KLF12: variants seen among roughly 807,000 people sequenced by gnomAD.
KLF12 encodes the protein Krueppel-like factor 12.
KLF12 carries 9 observed loss-of-function variants against 37.8 expected under a neutral mutation model. The ratio of observed to expected loss-of-function variants is 0.24; its 90% CI spans 0.14 to 0.42. The LOEUF is 0.42. Ranked by LOEUF, KLF12 falls within the 10% of genes least tolerant of loss-of-function variation. The probability of loss-of-function intolerance (pLI) is 1.00; values close to 1 mark genes in which losing one functional copy is unlikely to be tolerated. For synonymous variants in KLF12, 208 were observed against 202.1 expected (o/e 1.03, Z -0.25); for missense variants, 411 against 516.0 (o/e 0.80, Z 1.97).
At chr13:73,895,988 T>G (rs768340238) in intron 3 of KLF12, among the ~76,000 whole-genome samples, 39 of 152,084 alleles carry the variant, frequency 2.6e-4, no homozygotes, top group Non-Finnish European at 5.1e-4. Flanking sequence ...GCCTGACTAA[T>G]TTTTGTATTT....
At chr13:73,925,915 A>G (rs1038531904) in intron 3 of KLF12, among the ~76,000 whole-genome samples, 4 of 152,220 alleles carry the variant, frequency 2.6e-5, no homozygotes, top group Non-Finnish European at 1.5e-5. Context: ...AACTAGAACT[A>G]GAAGTAAAGC....
chr13:73,705,210 T>C (rs1371864430), intron 7 of KLF12, among the ~76,000 whole-genome samples: 1 of 152,198 alleles, frequency 6.6e-6, no homozygotes, highest in East Asian at 1.9e-4. Context: ...TCTCTTACAA[T>C]TGTATTATTC....
the KLF12 span, among the ~76,000 whole-genome samples, chr13:74,216,056 G>T: frequency 6.6e-6 from 1 of 152,082 alleles, no homozygotes; most frequent in African/African-American, 2.4e-5. Flanking sequence ...GTAGTAAGGG[G>T]CACATTCAGG....
intron 7 of KLF12, among the ~76,000 whole-genome samples, chr13:73,713,394 A>G (rs1321232683): frequency 6.6e-6 from 1 of 152,242 alleles, no homozygotes; most frequent in African/African-American, 2.4e-5. Context: ...ATAGTCAGCC[A>G]GAAGTGCCAA....
rs1885474843 is a variant in KLF12 at position 73,854,025 on chromosome 13, T to C, written c.124-7652A>G. On this transcript the variant is annotated intron_variant, in intron 3 of 7. Transcript: ENST00000377669. ...TGGATTAAGTCCTATTATCTTGCAA[T>C]TGTTTTTAAACAACATTTCACAAAG... is the stretch of plus-strand genomic sequence containing the variant. Among the ~76,000 whole-genome samples the C allele has an allele frequency of 2.0e-5, 3 of 152,276 alleles. No homozygotes were observed. The South Asian group carries it at 6.2e-4, about 32-fold the overall frequency.
At chr13:74,280,860 A>C in the KLF12 span, among the ~76,000 whole-genome samples, 3 of 146,088 alleles carry the variant, frequency 2.1e-5, no homozygotes, top group African/African-American at 8.0e-5. Context: ...CTGTGCCATA[A>C]AAACTGGCAC....
chr13:73,749,806 T>C (rs1878622822), intron 6 of KLF12, among the ~76,000 whole-genome samples: 2 of 152,230 alleles, frequency 1.3e-5, no homozygotes, highest in Admixed American at 1.3e-4. Context: ...GTTTTTTCTT[T>C]CTAAAGCATG....
chr13:74,305,385 A>G, the KLF12 span, among the ~76,000 whole-genome samples: 1 of 152,104 alleles, frequency 6.6e-6, no homozygotes, highest in African/African-American at 2.4e-5. Flanking sequence ...ATTTTTCTTC[A>G]TTTAACTTCA....
the KLF12 span, among the ~76,000 whole-genome samples, chr13:74,208,901 CTG>C: frequency 3.3e-5 from 5 of 152,084 alleles, no homozygotes; most frequent in African/African-American, 1.2e-4. Flanking sequence ...TGTGGACAAA[CTG>C]TTGTTTGGTT....
intron 3 of KLF12, among the ~76,000 whole-genome samples, chr13:73,876,454 A>G (rs1252001422): frequency 2.6e-5 from 4 of 152,200 alleles, no homozygotes; most frequent in African/African-American, 7.2e-5. Flanking sequence ...CTTAAAGACA[A>G]TTGTGCCACA....
intron 4 of KLF12, among the ~76,000 whole-genome samples, chr13:73,816,539 A>G (rs148671370): frequency 1.4e-3 from 209 of 152,316 alleles, no homozygotes; most frequent in Non-Finnish European, 2.3e-3. Flanking sequence ...AAAATTTCAG[A>G]ACCCAACACC....
the KLF12 span, among the ~76,000 whole-genome samples, chr13:74,293,888 G>A: frequency 2.6e-5 from 4 of 152,192 alleles, no homozygotes; most frequent in Admixed American, 1.3e-4. Flanking sequence ...GCTCTTAAAA[G>A]TGTATAGAGT....
chr13:74,148,342 T>G, the KLF12 span, among the ~76,000 whole-genome samples: 1 of 151,162 alleles, frequency 6.6e-6, no homozygotes, highest in African/African-American at 2.4e-5. Flanking sequence ...CCTCACAGTT[T>G]CCTCCAGCTC....
In KLF12 at chr13:73,944,128, T is replaced by C. The variant is rs957604637; in HGVS notation, c.34-58A>G. The C allele has an allele frequency of 3.0e-6, 3 of 996,454 alleles. No homozygotes were observed. In the African/African-American group the frequency reaches 4.8e-5, roughly 16 times the overall value. The allele number at this position is 996,454 out of a possible 1,614,324, so 61.7% of individuals were successfully genotyped here. A position where few individuals can be genotyped will look rare whatever the true frequency, so the allele number is the denominator to read the frequency against. ...TCTAAAGCATTCAAAAGAGGACCTC[T>C]GGGAGAGTCTTCCCTCATTGTAGTA... On this transcript the variant is annotated intron_variant, in intron 2 of 7. Coordinates refer to ENST00000377669, the MANE Select transcript of KLF12 (RefSeq NM_007249.5).
chr13:74,032,319 T>C (rs1301915340), intron 1 of KLF12, among the ~76,000 whole-genome samples: 1 of 152,178 alleles, frequency 6.6e-6, no homozygotes, highest in Non-Finnish European at 1.5e-5. Context: ...CTTTCTTATA[T>C]GTATCTAGAT....
chr13:73,811,486 TAAAC>T (rs1882939954), intron 5 of KLF12, among the ~76,000 whole-genome samples: 1 of 152,154 alleles, frequency 6.6e-6, no homozygotes, highest in South Asian at 2.1e-4. Context: ...GTTATAAACT[TAAAC>T]TACTGCACTA....
At chr13:74,208,458 C>T in the KLF12 span, among the ~76,000 whole-genome samples, 4 of 152,006 alleles carry the variant, frequency 2.6e-5, no homozygotes, top group Non-Finnish European at 5.9e-5. Context: ...AAAACAGATG[C>T]ATATTTTGTC....
chr13:73,806,716 G>A (rs915069521), intron 5 of KLF12, among the ~76,000 whole-genome samples: 14 of 151,132 alleles, frequency 9.3e-5, no homozygotes, highest in African/African-American at 1.2e-4. Flanking sequence ...ACCTCTCCAG[G>A]CCTCCGCTTC....
At chr13:73,897,460 C>G (rs183956426) in intron 3 of KLF12, among the ~76,000 whole-genome samples, 1 of 152,298 alleles carries the variant, frequency 6.6e-6, no homozygotes, top group African/African-American at 2.4e-5. Flanking sequence ...GCTCCCCCAT[C>G]CGAATCAGGT....
Sources: allele counts gnomAD v4.1 joint callset (sites outside exome capture counted in the v4.1 genomes callset), GRCh38; gene constraint gnomAD v4.1.1; transcripts MANE v1.5; gene names NCBI Gene and HGNC (gene_info 2026-07-23, HGNC 2026-07-21).